Variants in KIF13B observed in about 807,000 individuals in gnomAD.
KIF13B encodes the protein kinesin family member 13B, also known as kinesin-like protein KIF13B.
KIF13B carries 127 observed loss-of-function variants against 222.0 expected under a neutral mutation model. The observed-to-expected ratio is 0.57, with a 90% CI of 0.50 to 0.66. KIF13B has a LOEUF of 0.66. Among genes scored for constraint, KIF13B ranks in the 30% least tolerant of loss-of-function variants. The pLI, the probability that KIF13B is intolerant of heterozygous loss-of-function variation, is 0.00. For synonymous variants in KIF13B, 976 were observed against 919.0 expected (o/e 1.06, Z -1.12); for missense variants, 2,173 against 2,379.0 (o/e 0.91, Z 1.80).
intron 15 of KIF13B, among the ~76,000 whole-genome samples, chr8:29,149,042 G>A (rs1811185755): frequency 6.6e-6 from 1 of 152,178 alleles, no homozygotes; most frequent in African/African-American, 2.4e-5. Context: ...GATAAAGGAA[G>A]GTGCGACAGG....
intron 18 of KIF13B, among the ~76,000 whole-genome samples, chr8:29,145,379 C>T (rs1051463407): frequency 6.6e-6 from 1 of 152,050 alleles, no homozygotes; most frequent in Non-Finnish European, 1.5e-5. Flanking sequence ...GCCTGTAATC[C>T]CAGCACTTTG....
intron 5 of KIF13B, among the ~76,000 whole-genome samples, chr8:29,187,364 C>T (rs1812982448): frequency 6.6e-6 from 1 of 152,128 alleles, no homozygotes; most frequent in Admixed American, 6.5e-5. Flanking sequence ...CCCTTCTCTC[C>T]TAAAAATACC....
chr8:29,145,022 T>C (rs1370757961), intron 18 of KIF13B, among the ~76,000 whole-genome samples: 1 of 152,186 alleles, frequency 6.6e-6, no homozygotes, highest in African/African-American at 2.4e-5. Context: ...ACTTATACAC[T>C]ATAAAATCAA....
intron 30 of KIF13B, among the ~76,000 whole-genome samples, chr8:29,118,055 T>G (rs6420167): frequency 0.85 from 129,070 of 151,816 alleles, 55,553 homozygotes; most frequent in Non-Finnish European, 0.91. Context: ...CTACTTGGGA[T>G]ATTGAGGCAA....
chr8:29,171,075 G>A (rs1264140424), intron 10 of KIF13B, among the ~76,000 whole-genome samples: 9 of 152,186 alleles, frequency 5.9e-5, no homozygotes. Context: ...TCATCCAGGC[G>A]ACAGATGAAA....
chr8:29,222,513 GACTTTTTTTTTTTTTTTTTT>G (rs1316916755), intron 2 of KIF13B, among the ~76,000 whole-genome samples: 2 of 95,730 alleles, frequency 2.1e-5, no homozygotes, highest in African/African-American at 8.3e-5. Flanking sequence ...TCCCACACCT[GACTTTTTTTTTTTTTTTTTT>G]TTTTTTTTTT....
intron 2 of KIF13B, among the ~76,000 whole-genome samples, chr8:29,218,613 C>T (rs538235764): frequency 5.3e-5 from 8 of 152,150 alleles, no homozygotes; most frequent in East Asian, 1.9e-4. Flanking sequence ...TAGAATGGCA[C>T]GGCTAAGAAT....
intron 6 of KIF13B, among the ~76,000 whole-genome samples, chr8:29,183,808 G>T (rs987334440): frequency 3.3e-5 from 5 of 152,148 alleles, no homozygotes; most frequent in African/African-American, 1.2e-4. Flanking sequence ...TTTGGAGAGC[G>T]AGTGCTAGTA....
At chr8:29,262,931 A>G (rs1816741728) in intron 1 of KIF13B, 49 bp downstream of exon 1, 9 of 1,453,922 alleles carry the variant, frequency 6.2e-6, no homozygotes, top group South Asian at 2.5e-5. Context: ...AGGGCGCGCC[A>G]GGCACCTGCC....
At chr8:29,228,859 A>G (rs1252717967) in intron 2 of KIF13B, among the ~76,000 whole-genome samples, 4 of 152,144 alleles carry the variant, frequency 2.6e-5, no homozygotes, top group Non-Finnish European at 2.9e-5. Flanking sequence ...AAGGTTGTTA[A>G]TATCTTGTTA....
intron 38 of KIF13B, among the ~76,000 whole-genome samples, chr8:29,072,677 C>G (rs1274743417): frequency 6.6e-6 from 1 of 152,204 alleles, no homozygotes; most frequent in Non-Finnish European, 1.5e-5. Context: ...TGCCCAGGCT[C>G]AAGAGCACTG....
intron 24 of KIF13B, among the ~76,000 whole-genome samples, chr8:29,128,436 T>C (rs1810208171): frequency 6.6e-6 from 1 of 152,206 alleles, no homozygotes; most frequent in South Asian, 2.1e-4. Flanking sequence ...ACTGATCCTA[T>C]CAAACTCCAT....
chr8:29,164,905 T>C (rs34871098), intron 12 of KIF13B, among the ~76,000 whole-genome samples: 3 of 151,928 alleles, frequency 2.0e-5, no homozygotes, highest in Admixed American at 6.6e-5. Context: ...TGGAGTGCAG[T>C]GGCACGATCT....
At chr8:29,241,296 T>C (rs879591150) in intron 2 of KIF13B, among the ~76,000 whole-genome samples, 13 of 152,180 alleles carry the variant, frequency 8.5e-5, no homozygotes, top group Non-Finnish European at 1.9e-4. Flanking sequence ...ATAAAAATGA[T>C]GTACAAGCAG....
intron 2 of KIF13B, among the ~76,000 whole-genome samples, chr8:29,240,174 T>A (rs1815705515): frequency 6.6e-6 from 1 of 151,870 alleles, no homozygotes; most frequent in African/African-American, 2.4e-5. Context: ...GCATTATATT[T>A]TATAAGAATA....
At chr8:29,115,096 G>C (rs774939777) in intron 31 of KIF13B, among the ~76,000 whole-genome samples, 2 of 152,138 alleles carry the variant, frequency 1.3e-5, no homozygotes, top group Non-Finnish European at 2.9e-5. Context: ...TCATTTCAAA[G>C]ATTGATATCA....
chr8:29,147,698 T>C (rs1490733196), intron 16 of KIF13B, 96 bp from the exon 17 acceptor site: 10 of 883,816 alleles, frequency 1.1e-5, no homozygotes, highest in South Asian at 3.2e-5. Flanking sequence ...TCATCTTAAC[T>C]ATACCACCTA....
chr8:29,083,945 C>A (rs538976551), intron 37 of KIF13B, among the ~76,000 whole-genome samples: 1 of 152,108 alleles, frequency 6.6e-6, no homozygotes, highest in East Asian at 1.9e-4. Flanking sequence ...GACGGAGTTG[C>A]GCTCTGTCAC....
At chr8:29,201,838 A>T (rs1384997230) in intron 2 of KIF13B, among the ~76,000 whole-genome samples, 1 of 152,196 alleles carries the variant, frequency 6.6e-6, no homozygotes, top group Non-Finnish European at 1.5e-5. Context: ...CTGTGTGATG[A>T]GTATGATTTT....
Sources: allele counts gnomAD v4.1 joint callset (sites outside exome capture counted in the v4.1 genomes callset), GRCh38; gene constraint gnomAD v4.1.1; transcripts MANE v1.5; gene names NCBI Gene and HGNC (gene_info 2026-07-23, HGNC 2026-07-21).